Variants in GCFC2 observed in about 807,000 individuals in gnomAD.
GCFC2 encodes the protein intron Large complex component GCFC2.
Under a neutral mutation model 99.4 loss-of-function variants are expected in GCFC2, and 102 were observed. The observed-to-expected ratio is 1.03, with a 90% confidence interval of 0.87 to 1.21. The LOEUF is 1.21. GCFC2 is among the 50% of genes most tolerant of loss of function. GCFC2 has a pLI of 0.00. For synonymous variants in GCFC2, 338 were observed against 316.8 expected, an observed-to-expected ratio of 1.07 and a Z score of -0.71; for missense variants, 973 against 920.9, an observed-to-expected ratio of 1.06 and a Z score of -0.73.
At chr2:75,695,858 G>A (rs1680291420) in intron 5 of GCFC2, among the ~76,000 whole-genome samples, 1 of 152,174 alleles carries the variant, frequency 6.6e-6, no homozygotes, top group Non-Finnish European at 1.5e-5. Flanking sequence ...CTCATCCTGG[G>A]CAGGATGAAG....
rs1337854117 is a variant in GCFC2 at position 75,710,829 on chromosome 2, A to T, written c.27T>A (p.Phe9Leu). 6.3e-7 allele frequency: 1 copy of T among 1,578,832 alleles called. No homozygotes were observed. The highest frequency in any genetic ancestry group is 2.4e-5 in the East Asian group (1 of 41,824). Residue 9 changes from phenylalanine to leucine, a missense_variant, in exon 1 of 17, where the codon TTT becomes TTA. Phe to Leu is a conservative substitution (Grantham distance 22). Coordinates refer to ENST00000321027, the MANE Select transcript of GCFC2 (RefSeq NM_003203.5). ...CGCTGGAATCAGCCGCGCGCTGCCGAAAAGTCCTTTTCGGCCTGTGAGCCA... is the reference window on the plus strand; with the variant it reads ...CGCTGGAATCAGCCGCGCGCTGCCGTAAAGTCCTTTTCGGCCTGTGAGCCA... MAHRPKRTFRQRAADSSDS... is the reference protein window; with the variant it reads MAHRPKRTLRQRAADSSDS...
chr2:75,711,174 T>C (rs770705761), upstream of GCFC2: 1 of 985,332 alleles, frequency 1.0e-6, no homozygotes, highest in Non-Finnish European at 1.2e-6. Context: ...GTGCTGTCCT[T>C]GTGCAAACCC....
chr2:75,685,934 A>G (rs966244045), intron 11 of GCFC2, among the ~76,000 whole-genome samples: 15 of 152,154 alleles, frequency 9.9e-5, no homozygotes, highest in African/African-American at 3.6e-4. Flanking sequence ...GCTCAGGCCA[A>G]TTCCTCAATG....
chr2:75,711,484 C>T (rs951878256), upstream of GCFC2, among the ~76,000 whole-genome samples: 2 of 152,222 alleles, frequency 1.3e-5, no homozygotes, highest in East Asian at 1.9e-4. Context: ...TATTGTCTGA[C>T]GCAAATTTGT....
intron 11 of GCFC2, among the ~76,000 whole-genome samples, chr2:75,684,874 C>T (rs555385904): frequency 1.3e-5 from 2 of 152,140 alleles, no homozygotes; most frequent in Non-Finnish European, 2.9e-5. Flanking sequence ...TACTATGCAG[C>T]CATAAAACAG....
At chr2:75,711,347 T>A, upstream of GCFC2, 1 of 239,312 alleles carries the variant, frequency 4.2e-6, no homozygotes, top group South Asian at 1.5e-4. Context: ...AACAAAACCA[T>A]AAAGTCTGTA....
chr2:75,702,002 T>C (rs1680614841), intron 3 of GCFC2, 197 bp downstream of exon 3: 2 of 1,381,620 alleles, frequency 1.4e-6, no homozygotes, highest in Non-Finnish European at 1.9e-6. Context: ...TAAACATTAT[T>C]ACACATACTC....
chr2:75,685,096 A>T (rs1679753242), intron 11 of GCFC2, among the ~76,000 whole-genome samples: 1 of 152,314 alleles, frequency 6.6e-6, no homozygotes, highest in East Asian at 1.9e-4. Context: ...CATTAGGAGA[A>T]ATACCTAATG....
At chr2:75,693,458 T>G (rs1469615369) in intron 6 of GCFC2, among the ~76,000 whole-genome samples, 1 of 151,688 alleles carries the variant, frequency 6.6e-6, no homozygotes, top group Non-Finnish European at 1.5e-5. Context: ...GAAAAATAAA[T>G]AAAATAAAAA....
chr2:75,679,294 G>A (rs550984024), intron 12 of GCFC2, among the ~76,000 whole-genome samples: 1 of 152,164 alleles, frequency 6.6e-6, no homozygotes, highest in Admixed American at 6.5e-5. Flanking sequence ...AATATGATAT[G>A]CCTCCTTGCT....
At chr2:75,665,766 G>A (rs1261349811) in intron 16 of GCFC2, among the ~76,000 whole-genome samples, 163 bp downstream of exon 16, 3 of 152,242 alleles carry the variant, frequency 2.0e-5, no homozygotes, top group South Asian at 4.1e-4. Context: ...ATATGGATAT[G>A]CATAAGCCAT....
Position 75,670,150 on chromosome 2 carries a change from T to C in GCFC2, c.2091A>G (p.Lys697=), listed in dbSNP as rs2104206076. The change falls in exon 15 of 17, where the codon AAA becomes AAG. Residue 697 remains lysine (K), a synonymous_variant. Transcript: ENST00000321027. ...CTTCACAACTTACCTGGTTGCACTT[T>C]TTAACCACATCTGGCCCAGGTGTGG... The part of the protein sequence containing the change: ...LNATPGPDVV[K]KCNQVAACLP... 1 of 1,605,286 alleles carries C rather than the reference T, an allele frequency of 6.2e-7. No individual in the cohort carries two copies. The highest frequency in any genetic ancestry group is 8.5e-7 in the Non-Finnish European group (1 of 1,173,944).
At chr2:75,666,485 G>A (rs1678841002) in intron 15 of GCFC2, among the ~76,000 whole-genome samples, 1 of 152,060 alleles carries the variant, frequency 6.6e-6, no homozygotes, top group Non-Finnish European at 1.5e-5. Context: ...AACCAAATGG[G>A]TGATTCTAAG....
At chr2:75,667,435 G>A (rs759345820) in intron 15 of GCFC2, among the ~76,000 whole-genome samples, 8 of 152,100 alleles carry the variant, frequency 5.3e-5, no homozygotes, top group Non-Finnish European at 1.2e-4. Flanking sequence ...TTAAATAAAC[G>A]TTCTGGAATG....
chr2:75,695,021 T>TA (rs1463687124), intron 5 of GCFC2, among the ~76,000 whole-genome samples: 8 of 151,998 alleles, frequency 5.3e-5, no homozygotes, highest in Non-Finnish European at 1.2e-4. Context: ...CTTTTTAAAA[T>TA]AAAAAACCTA....
intron 1 of GCFC2, among the ~76,000 whole-genome samples, chr2:75,709,692 T>C (rs1227688265): frequency 1.3e-5 from 2 of 152,166 alleles, no homozygotes; most frequent in Admixed American, 6.5e-5. Context: ...GAGTAGATAG[T>C]AAGTGTTCTC....
upstream of GCFC2, among the ~76,000 whole-genome samples, chr2:75,712,459 G>A (rs141163633): frequency 1.3e-5 from 2 of 152,108 alleles, no homozygotes; most frequent in South Asian, 2.1e-4. Flanking sequence ...GATTGTAAAC[G>A]CACCAATCAC....
chr2:75,665,816 G>T (rs987715519), intron 16 of GCFC2, 113 bp downstream of exon 16: 2 of 628,402 alleles, frequency 3.2e-6, no homozygotes, highest in Non-Finnish European at 5.0e-6. Flanking sequence ...ACTCTACAAA[G>T]TTTTAACAAA....
At chr2:75,669,782 G>A (rs1482040345) in intron 15 of GCFC2, among the ~76,000 whole-genome samples, 3 of 151,924 alleles carry the variant, frequency 2.0e-5, no homozygotes, top group Non-Finnish European at 4.4e-5. Flanking sequence ...ACCCAGGCTG[G>A]AGTGCAATGG....
Sources: gnomAD v4.1 joint callset for allele counts (sites outside exome capture counted in the v4.1 genomes callset) on GRCh38, gnomAD v4.1.1 for gene constraint, MANE v1.5 for transcripts, NCBI Gene and HGNC (gene_info 2026-07-23, HGNC 2026-07-21) for gene names.